The following USP33 variants were observed in gnomAD, a reference collection of about 807,000 sequenced individuals.
USP33 encodes ubiquitin carboxyl-terminal hydrolase 33.
Under a neutral mutation model 124.2 loss-of-function variants are expected in USP33, and 46 were observed. That is an observed-to-expected ratio of 0.37 (90% CI 0.29 to 0.47). The LOEUF (loss-of-function observed/expected upper bound fraction) is 0.47. Ranked by LOEUF, USP33 falls within the 20% of genes least tolerant of loss-of-function variation. USP33 has a pLI of 0.99. For missense variants in USP33, 851 were observed against 1,070.6 expected, an observed-to-expected ratio of 0.79 and a Z score of 2.86; for synonymous variants, 350 against 352.3, an observed-to-expected ratio of 0.99 and a Z score of 0.07.
chr1:77,717,244 C>T (rs1676021523), intron 17 of USP33, among the ~76,000 whole-genome samples: 1 of 152,096 alleles, frequency 6.6e-6, no homozygotes, highest in African/African-American at 2.4e-5. Context: ...AATCCCACCA[C>T]TTCGGGAGGC....
At position 77,728,470 on chromosome 1, in the gene USP33, C is replaced by T; in HGVS notation, c.960G>A (p.Gln320=). 6.2e-7 allele frequency: 1 copy of T among 1,614,012 alleles called. No homozygotes were observed. The highest frequency in any genetic ancestry group is 8.5e-7 in the Non-Finnish European group (1 of 1,180,006). The part of the protein sequence containing the change: ...EDNNETTMLI[Q]DDENNSEMSK... ...ACATTTCTGAATTGTTTTCATCATC[C>T]TGAATTAACATTGTTGTTTCATTAT... The change falls in exon 10 of 24, where the codon CAG becomes CAA. Residue 320 remains glutamine, a synonymous_variant. Transcript: ENST00000370794.
intron 19 of USP33, among the ~76,000 whole-genome samples, chr1:77,714,196 G>C (rs1031531778): frequency 2.0e-5 from 3 of 152,090 alleles, no homozygotes; most frequent in African/African-American, 7.2e-5. Context: ...AGACAATGGG[G>C]TTAAGAACCA....
intron 19 of USP33, 66 bp from the exon 20 acceptor site, chr1:77,713,347 AT>A (rs71075758): frequency 0.34 from 418,308 of 1,213,426 alleles, 74,120 homozygotes; most frequent in Admixed American, 0.45. Context: ...CATTAAACTC[AT>A]TTTTTTTTTA....
rs1180250871 is a variant in USP33, at chr1:77,730,702, C to A, written c.554G>T (p.Cys185Phe). 1.9e-6 allele frequency: 3 copies of A among 1,578,756 alleles called. No individual in the cohort carries two copies. Among genetic ancestry groups the A allele is most frequent in the Non-Finnish European group, 2.6e-6 (3 of 1,162,212 alleles). Residue 185 changes from cysteine (C) to phenylalanine (F), a missense_variant, in exon 8 of 24, where the codon TGT becomes TTT. By Grantham distance (205) the Cys-to-Phe change is radical (BLOSUM62 -2). Around this residue, in one of 4 missense-constraint regions of USP33, gnomAD observed 221 missense variants for 302.9 expected, o/e 0.73. Transcript: ENST00000370794. Reference sequence around the variant, plus strand: ...CTTATCTGTTCGAGCTAGTCCTCCACAATCAAGAAAAAACTGTGTCAAAGG... The same window carrying A: ...CTTATCTGTTCGAGCTAGTCCTCCAAAATCAAGAAAAAACTGTGTCAAAGG... ...CPPLTQFFLD[C>F]GGLARTDKKP... is the part of the protein sequence containing the mutation.
At chr1:77,710,135 AC>A (rs1321137081) in intron 21 of USP33, among the ~76,000 whole-genome samples, 1 of 152,078 alleles carries the variant, frequency 6.6e-6, no homozygotes. Context: ...CCTTGTAGCC[AC>A]CAATGTCAGG....
chr1:77,702,491 AC>A (rs773829206), intron 21 of USP33, among the ~76,000 whole-genome samples: 1 of 152,196 alleles, frequency 6.6e-6, no homozygotes, highest in Non-Finnish European at 1.5e-5. Context: ...ATGTCATTTC[AC>A]AAGCAATATA....
At chr1:77,746,741 A>T (rs1570858220) in intron 1 of USP33, among the ~76,000 whole-genome samples, 1 of 151,716 alleles carries the variant, frequency 6.6e-6, no homozygotes, top group African/African-American at 2.4e-5. Flanking sequence ...AAATCAATAA[A>T]CATAATCCAT....
chr1:77,742,945 T>G (rs1679298749), intron 1 of USP33, among the ~76,000 whole-genome samples: 1 of 151,252 alleles, frequency 6.6e-6, no homozygotes, highest in Admixed American at 6.6e-5. Flanking sequence ...TTTATTTATT[T>G]ATTTATTTAT....
chr1:77,713,325 AT>A, intron 19 of USP33, 44 bp from the exon 20 acceptor site: 1 of 1,493,004 alleles, frequency 6.7e-7, no homozygotes, highest in South Asian at 1.2e-5. Context: ...TTTTAATTAT[AT>A]TCCTTTCAAA....
intron 9 of USP33, among the ~76,000 whole-genome samples, chr1:77,729,414 G>C (rs968717003): frequency 6.8e-6 from 1 of 147,904 alleles, no homozygotes; most frequent in Non-Finnish European, 1.5e-5. Context: ...CCTCATGCCT[G>C]TAATCCAACA....
intron 19 of USP33, among the ~76,000 whole-genome samples, chr1:77,713,894 T>C (rs1246969983): frequency 1.3e-5 from 2 of 152,234 alleles, no homozygotes; most frequent in African/African-American, 2.4e-5. Context: ...ACGGTAATTA[T>C]AAAGCATTTT....
chr1:77,720,591 T>C, intron 15 of USP33: 5 of 985,384 alleles, frequency 5.1e-6, no homozygotes, highest in Non-Finnish European at 6.0e-6. Flanking sequence ...GCATTCCTAT[T>C]ACAGAGATTG....
chr1:77,744,234 C>T (rs1679484377), intron 1 of USP33, among the ~76,000 whole-genome samples: 2 of 151,716 alleles, frequency 1.3e-5, no homozygotes, highest in Non-Finnish European at 2.9e-5. Flanking sequence ...AAATTCAGTA[C>T]CCATCAAGGT....
chr1:77,722,380 A>C, intron 12 of USP33, 184 bp from the exon 13 acceptor site: 2 of 581,232 alleles, frequency 3.4e-6, no homozygotes, highest in Non-Finnish European at 2.9e-6. Context: ...CAAAAACAAA[A>C]AACAAAACAC....
At chr1:77,725,846 A>G in intron 10 of USP33, 84 bp from the exon 11 acceptor site, 3 of 1,272,266 alleles carry the variant, frequency 2.4e-6, no homozygotes, top group Non-Finnish European at 3.2e-6. Flanking sequence ...TCTTAATTTG[A>G]TATTTTGAAC....
At chr1:77,740,634 C>T (rs1034614128) in intron 4 of USP33, among the ~76,000 whole-genome samples, 1 of 152,188 alleles carries the variant, frequency 6.6e-6, no homozygotes, top group Non-Finnish European at 1.5e-5. Flanking sequence ...GGGATTCAGG[C>T]GTGAGCCACC....
intron 1 of USP33, among the ~76,000 whole-genome samples, chr1:77,743,549 A>C (rs1423759087): frequency 6.6e-6 from 1 of 152,056 alleles, no homozygotes; most frequent in Non-Finnish European, 1.5e-5. Flanking sequence ...AACACAACTC[A>C]CTGCAGCCTC....
chr1:77,717,814 T>A, intron 17 of USP33, 53 bp downstream of exon 17: 1 of 1,468,498 alleles, frequency 6.8e-7, no homozygotes, highest in Non-Finnish European at 9.1e-7. Flanking sequence ...ACGCCCAGGC[T>A]TATTTTAATT....
intron 21 of USP33, among the ~76,000 whole-genome samples, chr1:77,710,110 A>C (rs967542378): frequency 6.6e-6 from 1 of 152,132 alleles, no homozygotes; most frequent in African/African-American, 2.4e-5. Flanking sequence ...TGCCACTACC[A>C]CCACTATGCT....
Sources: allele counts gnomAD v4.1 joint callset (sites outside exome capture counted in the v4.1 genomes callset), GRCh38; gene constraint gnomAD v4.1.1; regional missense constraint gnomAD v4.1.1; transcripts MANE v1.5; gene names NCBI Gene and HGNC (gene_info 2026-07-23, HGNC 2026-07-21).